The following JPH1 variants were observed in gnomAD, a reference collection of about 807,000 sequenced individuals.
JPH1 encodes the protein junctophilin-1.
JPH1 carries 12 observed loss-of-function variants against 53.6 expected under a neutral mutation model. The observed-to-expected ratio is 0.22, with a 90% confidence interval of 0.14 to 0.36. The LOEUF (loss-of-function observed/expected upper bound fraction) is 0.36, where lower values mean the gene tolerates loss of function less well. Among genes scored for constraint, JPH1 ranks in the 10% least tolerant of loss-of-function variants. The probability of loss-of-function intolerance (pLI) is 1.00; values close to 1 mark genes in which losing one functional copy is unlikely to be tolerated. For missense variants in JPH1, 808 were observed against 905.5 expected, an observed-to-expected ratio of 0.89 and a Z score of 1.38; for synonymous variants, 375 against 363.8, an observed-to-expected ratio of 1.03 and a Z score of -0.35.
rs188341076 is a variant in JPH1, at chr8:74,296,918, G to A, written c.1139+17943C>T. 8.2e-4 allele frequency among the ~76,000 whole-genome samples: 125 copies of A among 152,242 alleles called. 1 individual carries two copies. Among genetic ancestry groups the A allele is most frequent in the African/African-American group, 2.9e-3 (120 of 41,556 alleles). Reference sequence around the variant, plus strand: ...CATCTCTGGCTAACTCGAAGTCCACGTATAGACAGAAAGTATAAGGCATAA... The same window carrying A: ...CATCTCTGGCTAACTCGAAGTCCACATATAGACAGAAAGTATAAGGCATAA... On this transcript the variant is annotated intron_variant, in intron 2 of 5. Coordinates refer to ENST00000342232, the MANE Select transcript of JPH1 (RefSeq NM_020647.4).
chr8:74,278,038 A>C lies in JPH1; in HGVS notation c.1140-18535T>G, dbSNP rs140537569. 3.9e-5 allele frequency among the ~76,000 whole-genome samples: 6 copies of C among 152,312 alleles called. No homozygotes were observed. In the East Asian group the frequency reaches 1.2e-3, roughly 29 times the overall value. On this transcript the variant is annotated intron_variant, in intron 2 of 5. Coordinates refer to ENST00000342232, the MANE Select transcript of JPH1 (RefSeq NM_020647.4). ...AAATCCTATTTCCCATTTCTAAACA[A>C]AAAGAGGCAATATATGTGATATTTA... is the stretch of plus-strand genomic sequence containing the variant.
In JPH1 at chr8:74,315,496, G is replaced by T. The variant is rs1808128413; in HGVS notation, c.504C>A (p.Ser168Arg). ...PLRTSLASLR[S>R]EQSNGSVLHD... The stretch of plus-strand genomic sequence containing the variant: ...GGAGCACGCTGCCATTGCTCTGCTC[G>T]CTGCGCAGCGAGGCCAGCGAGGTAC... Residue 168 changes from serine to arginine, a missense_variant, in exon 2 of 6, where the codon AGC (serine) becomes AGA (arginine). This residue lies in a region of JPH1 where 756 missense variants were observed against 811.9 expected (regional missense o/e 0.93). Coordinates refer to ENST00000342232, the MANE Select transcript of JPH1 (RefSeq NM_020647.4). The surrounding 1 kb of genome is among the most constrained non-coding windows in gnomAD (Gnocchi z 6.3). 6.2e-7 allele frequency: 1 copy of T among 1,605,844 alleles called. No homozygotes were observed. The highest frequency in any genetic ancestry group is 8.5e-7 in the Non-Finnish European group (1 of 1,177,012).
intron 2 of JPH1, among the ~76,000 whole-genome samples, chr8:74,268,615 T>C (rs192850099): frequency 3.9e-5 from 6 of 152,138 alleles, no homozygotes; most frequent in Non-Finnish European, 7.3e-5. Context: ...TTTTTAGCAC[T>C]GGAGCAAACA....
intron 2 of JPH1, among the ~76,000 whole-genome samples, chr8:74,272,390 A>G (rs1806724717): frequency 6.6e-6 from 1 of 152,064 alleles, no homozygotes; most frequent in African/African-American, 2.4e-5. Flanking sequence ...CCCCTCTGTA[A>G]TGCTAGGGGT....
chr8:74,265,485 G>T (rs1806507472), intron 2 of JPH1, among the ~76,000 whole-genome samples: 2 of 152,058 alleles, frequency 1.3e-5, no homozygotes, highest in African/African-American at 2.4e-5. Context: ...ACTTCATTGT[G>T]CTTTATAAAA....
intron 3 of JPH1, among the ~76,000 whole-genome samples, chr8:74,246,977 T>C (rs2131379519): frequency 6.6e-6 from 1 of 152,346 alleles, no homozygotes; most frequent in Non-Finnish European, 1.5e-5. Flanking sequence ...AAAGGCGATG[T>C]CCTTCTGTTT....
At chr8:74,240,382 A>T (rs1293333980) in intron 4 of JPH1, among the ~76,000 whole-genome samples, 1 of 151,506 alleles carries the variant, frequency 6.6e-6, no homozygotes, top group African/African-American at 2.4e-5. Context: ...TGTATCCATT[A>T]AACATCCCCT....
intron 2 of JPH1, among the ~76,000 whole-genome samples, chr8:74,305,571 A>G (rs1167643403): frequency 6.6e-6 from 1 of 152,240 alleles, no homozygotes; most frequent in Non-Finnish European, 1.5e-5. Context: ...AGTTTGTACT[A>G]TTTAAGCAAG....
chr8:74,239,330 C>G (rs1456081332), intron 4 of JPH1, among the ~76,000 whole-genome samples: 2 of 152,110 alleles, frequency 1.3e-5, no homozygotes, highest in Admixed American at 1.3e-4. Context: ...CTTCAGAGCT[C>G]CATGCTCTTT....
intron 2 of JPH1, among the ~76,000 whole-genome samples, chr8:74,263,404 G>A (rs1051203101): frequency 6.6e-5 from 10 of 152,142 alleles, no homozygotes; most frequent in South Asian, 2.1e-4. Context: ...TTCAGGGACC[G>A]TCCTTGTGAT....
At chr8:74,306,642 A>G (rs1349836486) in intron 2 of JPH1, among the ~76,000 whole-genome samples, 1 of 150,884 alleles carries the variant, frequency 6.6e-6, no homozygotes, top group Non-Finnish European at 1.5e-5. Flanking sequence ...TCTGTCGCTT[A>G]GGCTGGAGTG....
chr8:74,283,188 T>C (rs1210352931), intron 2 of JPH1, among the ~76,000 whole-genome samples: 2 of 152,102 alleles, frequency 1.3e-5, no homozygotes, highest in Non-Finnish European at 2.9e-5. Context: ...AAAACTGTGC[T>C]GAGTGGCAGA....
chr8:74,249,378 C>T (rs1292832367), intron 3 of JPH1, among the ~76,000 whole-genome samples: 2 of 152,268 alleles, frequency 1.3e-5, no homozygotes, highest in Non-Finnish European at 2.9e-5. Flanking sequence ...TAACTGGTAG[C>T]AGGATCACTT....
Position 74,237,414 on chromosome 8 carries a change from G to A in JPH1, c.1906-111C>T, listed in dbSNP as rs1586726713. 2.7e-5 allele frequency: 22 copies of A among 825,952 alleles called. No homozygotes were observed. In the East Asian group the frequency reaches 5.3e-4, roughly 20 times the overall value. 51.2% of individuals were successfully genotyped at this position (825,952 alleles called of 1,614,324 possible). A position where few individuals can be genotyped will look rare whatever the true frequency, so the allele number is the denominator to read the frequency against. Reference sequence around the variant, plus strand: ...AAGTTAACATGATTGCAGTAAATAAGGCATAAAAGATGACAGCAGTTCGGA... The same window carrying A: ...AAGTTAACATGATTGCAGTAAATAAAGCATAAAAGATGACAGCAGTTCGGA... On this transcript the variant is annotated intron_variant, in intron 4 of 5. Transcript: ENST00000342232.
intron 4 of JPH1, among the ~76,000 whole-genome samples, chr8:74,244,273 A>T (rs1453964769): frequency 6.6e-6 from 1 of 152,174 alleles, no homozygotes; most frequent in Non-Finnish European, 1.5e-5. Flanking sequence ...ATGCTGTGCT[A>T]AGCTGGTCAG....
rs546765652 is a variant in JPH1 at position 74,253,640 on chromosome 8, C to T, written c.1258+5745G>A. On this transcript the variant is annotated intron_variant, in intron 3 of 5. Coordinates refer to ENST00000342232, the MANE Select transcript of JPH1 (RefSeq NM_020647.4). ...GAAAAGATCAACACAATTGATAGAC[C>T]GCTAACAAGACTAATAAAGAAGAAA... Among the ~76,000 whole-genome samples the T allele has an allele frequency of 5.5e-4, 83 of 151,920 alleles. No individual in the cohort carries two copies. The South Asian group carries it at 0.015, about 28-fold the overall frequency.
At chr8:74,246,333 C>A (rs757112540) in intron 3 of JPH1, among the ~76,000 whole-genome samples, 7 of 152,096 alleles carry the variant, frequency 4.6e-5, no homozygotes, top group Non-Finnish European at 1.0e-4. Flanking sequence ...CTGCCTTCTA[C>A]CCCCAACCCT....
At chr8:74,249,767 C>G (rs1251253076) in intron 3 of JPH1, among the ~76,000 whole-genome samples, 1 of 152,198 alleles carries the variant, frequency 6.6e-6, no homozygotes, top group Non-Finnish European at 1.5e-5. Flanking sequence ...TAGGCCTAGA[C>G]TATTATGTAA....
At chr8:74,247,045 C>T (rs1042201150) in intron 3 of JPH1, among the ~76,000 whole-genome samples, 11 of 152,184 alleles carry the variant, frequency 7.2e-5, no homozygotes, top group Non-Finnish European at 1.3e-4. Context: ...AAAAGGGCAG[C>T]ATGAGCACAA....
Sources: gnomAD v4.1 joint callset for allele counts (sites outside exome capture counted in the v4.1 genomes callset) on GRCh38, gnomAD v4.1.1 for gene constraint, gnomAD v4.1.1 regional missense constraint, Gnocchi (gnomAD v3.1) non-coding constraint, MANE v1.5 for transcripts, NCBI Gene and HGNC (gene_info 2026-07-23, HGNC 2026-07-21) for gene names.